GRHL2: variants seen among roughly 807,000 people sequenced by gnomAD.
GRHL2 encodes grainyhead like transcription factor 2.
Under a neutral mutation model 83.8 loss-of-function variants are expected in GRHL2, and 21 were observed. That is an observed-to-expected ratio of 0.25 (90% CI 0.18 to 0.36). The LOEUF is 0.36. Among genes scored for constraint, GRHL2 ranks in the 10% least tolerant of loss-of-function variants. GRHL2 has a pLI of 1.00. For missense variants in GRHL2, 623 were observed against 781.8 expected (o/e 0.80, Z 2.42); for synonymous variants, 280 against 278.9 (o/e 1.00, Z -0.04).
intron 1 of GRHL2, among the ~76,000 whole-genome samples, chr8:101,497,967 G>A (rs538731140): frequency 9.2e-5 from 14 of 152,272 alleles, no homozygotes; most frequent in Middle Eastern, 3.4e-3. Flanking sequence ...CTTTTTGAAG[G>A]GGAATATGTT....
At chr8:101,632,466 A>G (rs1813205932) in intron 11 of GRHL2, 101 bp downstream of exon 11, 2 of 1,380,650 alleles carry the variant, frequency 1.4e-6, no homozygotes, top group South Asian at 1.2e-5. Context: ...AAAATAACTT[A>G]CCTTCCATTC....
At chr8:101,564,366 C>T (rs1189417380) in intron 4 of GRHL2, among the ~76,000 whole-genome samples, 7 of 152,094 alleles carry the variant, frequency 4.6e-5, no homozygotes, top group South Asian at 2.1e-4. Context: ...ATCTAGAACC[C>T]GGGTTGAATA....
intron 11 of GRHL2, among the ~76,000 whole-genome samples, chr8:101,634,941 G>C (rs1304766286): frequency 3.3e-5 from 5 of 152,160 alleles, no homozygotes; most frequent in Admixed American, 6.5e-5. Flanking sequence ...TATTCAGGCT[G>C]TTTATGTCTG....
At chr8:101,613,647 G>A (rs558628163) in intron 8 of GRHL2, among the ~76,000 whole-genome samples, 1 of 151,246 alleles carries the variant, frequency 6.6e-6, no homozygotes, top group East Asian at 1.9e-4. Flanking sequence ...AGTGGAAGAA[G>A]AAAGGTAAAA....
chr8:101,553,784 T>C (rs1179440364), intron 3 of GRHL2, among the ~76,000 whole-genome samples: 3 of 152,030 alleles, frequency 2.0e-5, no homozygotes, highest in Non-Finnish European at 4.4e-5. Flanking sequence ...CGCACCACCA[T>C]GCCAGGCTAA....
intron 7 of GRHL2, among the ~76,000 whole-genome samples, chr8:101,583,076 T>C (rs1390837544): frequency 1.3e-5 from 2 of 152,200 alleles, no homozygotes; most frequent in African/African-American, 2.4e-5. Context: ...CAGTGGAGAA[T>C]GTGCGGAAGT....
intron 14 of GRHL2, among the ~76,000 whole-genome samples, chr8:101,649,967 G>C (rs16868132): frequency 0.16 from 24,238 of 152,084 alleles, 2,069 homozygotes; most frequent in South Asian, 0.25. Flanking sequence ...GTCTTGTCTA[G>C]TATTACCCAA....
Position 101,509,187 on chromosome 8 carries a change from T to TCTTCTTTCTTTC in GRHL2, c.20+16398_20+16399insCTTCTTTCTTTC, listed in dbSNP as rs5893565. Among the ~76,000 whole-genome samples the TCTTCTTTCTTTC allele has an allele frequency of 1.4e-4, 3 of 21,094 alleles. 1 individual carries two copies. The highest frequency in any genetic ancestry group is 2.4e-4 in the African/African-American group (3 of 12,436). 13.8% of individuals were successfully genotyped at this position (21,094 alleles called of 152,430 possible). Reference sequence around the variant, plus strand: ...CTTTCTTTCTTTTTCTTTCTTTCTTTTCTCTCTTTCTTTCTTTCTTCTTGT... The same window carrying TCTTCTTTCTTTC: ...CTTTCTTTCTTTTTCTTTCTTTCTTTCTTCTTTCTTTCTCTCTCTTTCTTTCTTTCTTCTTGT... On this transcript the variant is annotated intron_variant, in intron 1 of 15. Transcript: ENST00000646743.
rs115706511 is a variant in GRHL2, at chr8:101,494,590, G to A, written c.20+1801G>A. 2.9e-3 allele frequency among the ~76,000 whole-genome samples: 435 copies of A among 152,266 alleles called. 3 individuals carry two copies. The highest frequency in any genetic ancestry group is 9.8e-3 in the African/African-American group (406 of 41,540). On this transcript the variant is annotated intron_variant, in intron 1 of 15. Transcript: ENST00000646743. ...CCGGAGGCGACAGCAAGTTTTTGGG[G>A]TTTGTTTTGATCTTTGCCTGCGTCA...
At chr8:101,641,204 A>G (rs911965246) in intron 12 of GRHL2, among the ~76,000 whole-genome samples, 7 of 152,168 alleles carry the variant, frequency 4.6e-5, no homozygotes, top group Admixed American at 6.5e-5. Context: ...ATTTTGGGCT[A>G]AGTTCTTCCC....
At chr8:101,588,657 A>G (rs1812216416) in intron 7 of GRHL2, among the ~76,000 whole-genome samples, 1 of 152,236 alleles carries the variant, frequency 6.6e-6, no homozygotes, top group Admixed American at 6.5e-5. Context: ...GTTCAAATTT[A>G]GTGAAAGATA....
chr8:101,580,759 G>A (rs1396999474), intron 7 of GRHL2, among the ~76,000 whole-genome samples: 8 of 151,916 alleles, frequency 5.3e-5, no homozygotes, highest in Non-Finnish European at 5.9e-5. Flanking sequence ...GCTGGAGTGC[G>A]GTGGCATGAT....
intron 1 of GRHL2, among the ~76,000 whole-genome samples, chr8:101,515,129 A>G (rs1810545171): frequency 6.7e-6 from 1 of 150,342 alleles, no homozygotes; most frequent in African/African-American, 2.5e-5. Context: ...AGTAGGAAAG[A>G]GAGAATAGAC....
At chr8:101,601,190 C>CCCA (rs897488255) in intron 8 of GRHL2, among the ~76,000 whole-genome samples, 2 of 148,610 alleles carry the variant, frequency 1.3e-5, no homozygotes, top group East Asian at 4.0e-4. Context: ...ACACACACAC[C>CCCA]CCACCACCAC....
Position 101,533,006 on chromosome 8 carries a change from T to G in GRHL2, c.21-10235T>G, listed in dbSNP as rs775999313. 9.8e-5 allele frequency among the ~76,000 whole-genome samples: 15 copies of G among 152,294 alleles called. No individual in the cohort carries two copies. In the East Asian group the frequency reaches 2.3e-3, roughly 23 times the overall value. On this transcript the variant is annotated intron_variant, in intron 1 of 15. Transcript: ENST00000646743. ...AGTTTTGGGAATGATGGACAACAGG[T>G]AGACGAAAGGAATTCTTAATATCAG...
At chr8:101,577,073 GA>G (rs998349122) in intron 6 of GRHL2, among the ~76,000 whole-genome samples, 12 of 150,984 alleles carry the variant, frequency 7.9e-5, no homozygotes, top group South Asian at 6.3e-4. Context: ...TCCAATACAA[GA>G]AAAAAAAATT....
At chr8:101,632,037 A>T (rs1586158326) in intron 10 of GRHL2, among the ~76,000 whole-genome samples, 189 bp from the exon 11 acceptor site, 1 of 152,214 alleles carries the variant, frequency 6.6e-6, no homozygotes, top group African/African-American at 2.4e-5. Context: ...TCACCTCAGC[A>T]GTGCTCACTT....
intron 13 of GRHL2, among the ~76,000 whole-genome samples, chr8:101,647,242 G>A (rs895718018): frequency 1.3e-5 from 2 of 152,176 alleles, no homozygotes; most frequent in African/African-American, 4.8e-5. Flanking sequence ...GCACATGCCT[G>A]TAATCTCAGC....
At position 101,665,791 on chromosome 8, in the gene GRHL2, A is replaced by G. The variant is rs111504562; in HGVS notation, c.1764-798A>G. 8.1e-3 allele frequency among the ~76,000 whole-genome samples: 1,195 copies of G among 146,846 alleles called. 15 individuals are homozygous for G. Among genetic ancestry groups the G allele is most frequent in the African/African-American group, 0.027 (1,070 of 39,866 alleles). On this transcript the variant is annotated intron_variant, in intron 15 of 15. Coordinates refer to ENST00000646743, the MANE Select transcript of GRHL2 (RefSeq NM_024915.4). ...CTAAACAGCTTGCCTGCTGACACAT[A>G]ACTGTAAAATGATAGAGTCAGTCAG...
Sources: gnomAD v4.1 joint callset for allele counts (sites outside exome capture counted in the v4.1 genomes callset) on GRCh38, gnomAD v4.1.1 for gene constraint, MANE v1.5 for transcripts, NCBI Gene and HGNC (gene_info 2026-07-23, HGNC 2026-07-21) for gene names.